CBLB: variants seen among roughly 807,000 people sequenced by gnomAD.
CBLB encodes the protein Cbl proto-oncogene B.
CBLB carries 31 observed loss-of-function variants against 104.9 expected under a neutral mutation model. The observed-to-expected ratio is 0.30, with a 90% CI of 0.22 to 0.40. The LOEUF (loss-of-function observed/expected upper bound fraction) is 0.40, where lower values mean the gene tolerates loss of function less well. CBLB is among the 10% of genes least tolerant of loss of function. The pLI, the probability that CBLB is intolerant of heterozygous loss-of-function variation, is 1.00. For missense variants in CBLB, 1,062 were observed against 1,214.6 expected (o/e 0.87, Z 1.87); for synonymous variants, 440 against 422.6 (o/e 1.04, Z -0.51).
intron 9 of CBLB, among the ~76,000 whole-genome samples, chr3:105,722,198 CAAAAAAAAAAAA>C (rs5851468): frequency 7.2e-4 from 61 of 84,402 alleles, no homozygotes; most frequent in Admixed American, 5.4e-3. Context: ...GACCCCGTGC[CAAAAAAAAAAAA>C]AAAAAAAAGA....
At chr3:105,845,379 G>GAA (rs34685404) in intron 3 of CBLB, among the ~76,000 whole-genome samples, 10 of 85,416 alleles carry the variant, frequency 1.2e-4, no homozygotes, top group Admixed American at 2.4e-4. Flanking sequence ...ATGGGGCTTA[G>GAA]AAAAAAAAAA....
chr3:105,759,811 T>C (rs948374116), intron 4 of CBLB, among the ~76,000 whole-genome samples: 7 of 152,268 alleles, frequency 4.6e-5, no homozygotes, highest in Admixed American at 4.6e-4. Context: ...CAGCTGCTCC[T>C]GGAAGCATGG....
At chr3:105,852,773 A>G (rs1386142000) in intron 3 of CBLB, among the ~76,000 whole-genome samples, 1 of 151,954 alleles carries the variant, frequency 6.6e-6, no homozygotes, top group African/African-American at 2.4e-5. Context: ...GCTGGAGTGC[A>G]ATGGCACAAT....
intron 3 of CBLB, among the ~76,000 whole-genome samples, chr3:105,814,550 C>T (rs1402076177): frequency 4.6e-5 from 7 of 151,936 alleles, no homozygotes; most frequent in Admixed American, 2.0e-4. Context: ...AAAAAGGATT[C>T]ATGGAAATAT....
chr3:105,803,875 C>A (rs1234967392), intron 3 of CBLB, among the ~76,000 whole-genome samples: 1 of 152,100 alleles, frequency 6.6e-6, no homozygotes, highest in Non-Finnish European at 1.5e-5. Flanking sequence ...ATACTGTCAA[C>A]TGGAAACAGT....
intron 2 of CBLB, among the ~76,000 whole-genome samples, chr3:105,860,035 A>G (rs1336972007): frequency 1.3e-5 from 2 of 152,246 alleles, no homozygotes; most frequent in Non-Finnish European, 2.9e-5. Context: ...ATTGACATTA[A>G]GAAGCACCAT....
chr3:105,743,722 C>T (rs999930218), intron 6 of CBLB, among the ~76,000 whole-genome samples: 8 of 146,532 alleles, frequency 5.5e-5, no homozygotes, highest in Admixed American at 2.1e-4. Context: ...ACATGAAATA[C>T]TTTCCAAGAT....
chr3:105,800,814 A>G (rs1006785518), intron 3 of CBLB, among the ~76,000 whole-genome samples: 1 of 152,222 alleles, frequency 6.6e-6, no homozygotes, highest in Non-Finnish European at 1.5e-5. Flanking sequence ...AGAAAGAAGG[A>G]ACAAAGTGAA....
In CBLB at chr3:105,848,208, A is replaced by T. The variant is rs1217878046; in HGVS notation, c.419+5206T>A. On this transcript the variant is annotated intron_variant, in intron 3 of 18. Transcript: ENST00000394030. The stretch of plus-strand genomic sequence containing the variant: ...CAACAGAGCACCAGCAACAACAACA[A>T]TTTGGGAAAAATGATATAAAAGATG... Among the ~76,000 whole-genome samples, 3 of 152,146 alleles carry T rather than the reference A, an allele frequency of 2.0e-5. No individual in the cohort carries two copies. In the East Asian group the frequency reaches 5.8e-4, roughly 29 times the overall value.
intron 9 of CBLB, among the ~76,000 whole-genome samples, chr3:105,722,044 T>C (rs1384267724): frequency 6.6e-6 from 1 of 151,310 alleles, no homozygotes. Context: ...AATAAATGTT[T>C]AAAAAATTAG....
intron 3 of CBLB, among the ~76,000 whole-genome samples, chr3:105,817,202 AG>A (rs1328509709): frequency 6.6e-6 from 1 of 152,218 alleles, no homozygotes; most frequent in Non-Finnish European, 1.5e-5. Flanking sequence ...AGAGGATTAA[AG>A]TGTTAAAGAC....
chr3:105,674,700 G>A (rs567282406), intron 17 of CBLB, among the ~76,000 whole-genome samples: 4 of 152,154 alleles, frequency 2.6e-5, no homozygotes, highest in African/African-American at 9.7e-5. Context: ...ATGGAAAAAA[G>A]CACATATACA....
intron 14 of CBLB, 27 bp downstream of exon 14, chr3:105,685,293 G>T: frequency 1.3e-6 from 2 of 1,598,692 alleles, no homozygotes; most frequent in Non-Finnish European, 1.7e-6. Flanking sequence ...GCAGATGTAA[G>T]TGGCAAAAAT....
chr3:105,826,576 C>T (rs1253058897), intron 3 of CBLB, among the ~76,000 whole-genome samples: 1 of 152,132 alleles, frequency 6.6e-6, no homozygotes, highest in Non-Finnish European at 1.5e-5. Flanking sequence ...CATTATTTTG[C>T]CCCCAACTTC....
chr3:105,792,225 T>C (rs1408570949), intron 3 of CBLB, among the ~76,000 whole-genome samples: 1 of 152,208 alleles, frequency 6.6e-6, no homozygotes, highest in Non-Finnish European at 1.5e-5. Flanking sequence ...TTATTTTTCA[T>C]TGCTCTGCCT....
intron 14 of CBLB, among the ~76,000 whole-genome samples, chr3:105,684,673 C>T (rs956232099): frequency 3.3e-5 from 5 of 152,206 alleles, no homozygotes; most frequent in Non-Finnish European, 7.4e-5. Flanking sequence ...CTGCCTCAGC[C>T]TCCTGAGTAG....
rs116249527 is a variant in CBLB at position 105,716,699 on chromosome 3, A to C, written c.1407+3348T>G. ...ATACCTCTTCAACTTAAAAACAAATAATTACAAGTGATATAAATTTCTAAA... is the reference window on the plus strand; with the variant it reads ...ATACCTCTTCAACTTAAAAACAAATCATTACAAGTGATATAAATTTCTAAA... On this transcript the variant is annotated intron_variant, in intron 10 of 18. Transcript: ENST00000394030. Among the ~76,000 whole-genome samples, 861 of 152,296 alleles carry C rather than the reference A, an allele frequency of 5.7e-3. 5 individuals carry two copies. Among genetic ancestry groups the C allele is most frequent in the African/African-American group, 0.02 (841 of 41,560 alleles).
At chr3:105,714,458 T>C (rs758642429) in intron 10 of CBLB, among the ~76,000 whole-genome samples, 10 of 152,226 alleles carry the variant, frequency 6.6e-5, no homozygotes, top group Admixed American at 1.3e-4. Flanking sequence ...GACAGTCCCA[T>C]CTAGGGGTGA....
chr3:105,858,593 T>C (rs1377443235), intron 2 of CBLB, among the ~76,000 whole-genome samples: 2 of 152,206 alleles, frequency 1.3e-5, no homozygotes, highest in Admixed American at 6.5e-5. Context: ...GATTGGTGCA[T>C]AAAAGAATTG....
Sources: allele counts gnomAD v4.1 joint callset (sites outside exome capture counted in the v4.1 genomes callset), GRCh38; gene constraint gnomAD v4.1.1; transcripts MANE v1.5; gene names NCBI Gene and HGNC (gene_info 2026-07-23, HGNC 2026-07-21).